MAGT1: variants seen among roughly 807,000 people sequenced by gnomAD.
MAGT1 encodes dolichyl-diphosphooligosaccharide--protein glycosyltransferase subunit MAGT1.
MAGT1 carries 4 observed loss-of-function variants against 28.4 expected under a neutral mutation model. The observed-to-expected ratio is 0.14, with a 90% CI of 0.07 to 0.32. MAGT1 has a LOEUF of 0.32. MAGT1 is among the 10% of genes least tolerant of loss of function. The probability of loss-of-function intolerance (pLI) is 1.00; values close to 1 mark genes in which losing one functional copy is unlikely to be tolerated. For missense variants in MAGT1, 193 were observed against 264.5 expected (o/e 0.73, Z 1.88); for synonymous variants, 89 against 89.7 (o/e 0.99, Z 0.04).
At chrX:77,846,420 T>C (rs943805644) in intron 7 of MAGT1, among the ~76,000 whole-genome samples, 2 of 112,389 alleles carry the variant, frequency 1.8e-5, no homozygotes, top group Non-Finnish European at 3.7e-5. Flanking sequence ...TCTGAAGCCT[T>C]CTTCTCTCAA....
chrX:77,830,968 T>TATTTTA, intron 8 of MAGT1, 73 bp from the exon 9 acceptor site: 1 of 296,697 alleles, frequency 3.4e-6, no homozygotes, highest in Non-Finnish European at 5.7e-6. Context: ...CTATACTTTC[T>TATTTTA]TTTTTTATTT....
At chrX:77,859,445 C>T (rs1159140139) in intron 3 of MAGT1, among the ~76,000 whole-genome samples, 1 of 111,811 alleles carries the variant, frequency 8.9e-6, no homozygotes, top group African/African-American at 3.2e-5. Context: ...TCCTGGTTGT[C>T]TTCCTTTTTA....
At chrX:77,881,675 T>C (rs1557218476) in intron 1 of MAGT1, among the ~76,000 whole-genome samples, 2 of 111,086 alleles carry the variant, frequency 1.8e-5, no homozygotes, top group Non-Finnish European at 1.9e-5. Context: ...TGTTAGACAT[T>C]TGGGTTGGTT....
At chrX:77,842,169 G>A (rs1302869808) in intron 7 of MAGT1, among the ~76,000 whole-genome samples, 3 of 110,309 alleles carry the variant, frequency 2.7e-5, no homozygotes, top group South Asian at 3.8e-4. Context: ...GAGGCGGGCC[G>A]ATTGCTTAAG....
At chrX:77,883,547 CATTTT>C (rs1182189314) in intron 1 of MAGT1, among the ~76,000 whole-genome samples, 1 of 97,097 alleles carries the variant, frequency 1.0e-5, no homozygotes, top group African/African-American at 3.7e-5. Context: ...TTCCTGAATT[CATTTT>C]CTTTTTTTTT....
chrX:77,895,215 AGC>A, intron 1 of MAGT1, 92 bp downstream of exon 1: 1 of 976,352 alleles, frequency 1.0e-6, no homozygotes, highest in Non-Finnish European at 1.4e-6. Context: ...AAGGCATAGA[AGC>A]GGCAGGGAAA....
At chrX:77,854,035 G>T (rs1259407062) in intron 6 of MAGT1, 71 bp from the exon 7 acceptor site, 1 of 812,401 alleles carries the variant, frequency 1.2e-6, no homozygotes, top group Non-Finnish European at 1.9e-6. Context: ...CCCTAAAACG[G>T]GGTATTTTAA....
intron 8 of MAGT1, among the ~76,000 whole-genome samples, chrX:77,832,568 T>C (rs1186684577): frequency 1.8e-5 from 2 of 110,811 alleles, no homozygotes; most frequent in Non-Finnish European, 3.8e-5. Flanking sequence ...CTGTGGCTCA[T>C]GCCTGTAACC....
chrX:77,888,869 C>T, intron 1 of MAGT1, among the ~76,000 whole-genome samples: 1 of 111,494 alleles, frequency 9.0e-6, no homozygotes, highest in Middle Eastern at 4.6e-3. Flanking sequence ...ATAATAATCA[C>T]ATCATGGTGA....
At position 77,857,334 on chromosome X, in the gene MAGT1, GTCT is replaced by G. The variant is rs2076983792; in HGVS notation, c.531+20_531+22del. 1 of 1,209,273 alleles carries G rather than the reference GTCT, an allele frequency of 8.3e-7. No homozygotes were observed. The highest frequency in any genetic ancestry group is 2.2e-5 in the Admixed American group (1 of 45,592). ...CAAAGGGGATAATGGCCAAGAAACAGTCTACATAGTTGGGAAACTTACATTGAC... is the reference window on the plus strand; with the variant it reads ...CAAAGGGGATAATGGCCAAGAAACAGACATAGTTGGGAAACTTACATTGAC... On this transcript the variant is annotated intron_variant, in intron 4 of 9. Transcript: ENST00000618282.
At position 77,830,811 on chromosome X, in the gene MAGT1, G is replaced by T; in HGVS notation, c.986C>A (p.Pro329Gln). The change falls in exon 9 of 10, where the codon CCA becomes CAA. Residue 329 changes from proline to glutamine, a missense_variant. Transcript: ENST00000618282. ...CAAAAAATAAGAATCATACCTGTAT[G>T]GGTAGCCATGATATTTAGATCTAAA... Reference protein sequence around the residue: ...SIFRSKYHGYPYSFLMS With the variant: ...SIFRSKYHGYQYSFLMS 8.9e-7 allele frequency: 1 copy of T among 1,117,426 alleles called. No individual in the cohort carries two copies. 92.1% of individuals were successfully genotyped at this position (1,117,426 alleles called of 1,213,427 possible).
chrX:77,839,039 C>A (rs2076927563), intron 8 of MAGT1, among the ~76,000 whole-genome samples: 2 of 109,901 alleles, frequency 1.8e-5, no homozygotes, highest in Admixed American at 2.0e-4. Flanking sequence ...CACAGTGGTT[C>A]ATGTCTGTAA....
intron 1 of MAGT1, among the ~76,000 whole-genome samples, chrX:77,888,849 C>T (rs1351120508): frequency 2.7e-5 from 3 of 111,457 alleles, no homozygotes; most frequent in Non-Finnish European, 5.6e-5. Context: ...TTGATATAGG[C>T]ATGCATTGCA....
At chrX:77,845,954 T>C (rs956725063) in intron 7 of MAGT1, among the ~76,000 whole-genome samples, 18 of 110,884 alleles carry the variant, frequency 1.6e-4, no homozygotes, top group African/African-American at 5.3e-4. Context: ...TGGCGTTCTC[T>C]GTATCTCCTG....
intron 1 of MAGT1, among the ~76,000 whole-genome samples, chrX:77,878,722 G>A (rs1343174137): frequency 4.8e-5 from 5 of 103,132 alleles, no homozygotes; most frequent in Admixed American, 1.1e-4. Flanking sequence ...CTGGGAAGGC[G>A]GTGGCTGCAG....
intron 3 of MAGT1, among the ~76,000 whole-genome samples, chrX:77,860,732 G>GGACTGCGC (rs1308177316): frequency 8.9e-6 from 1 of 111,829 alleles, no homozygotes; most frequent in African/African-American, 3.2e-5. Flanking sequence ...CAGTGATCCA[G>GGACTGCGC]GACTGCGCCA....
At chrX:77,868,736 C>A in intron 3 of MAGT1, 1 of 265,472 alleles carries the variant, frequency 3.8e-6, no homozygotes, top group African/African-American at 2.8e-5. Flanking sequence ...AGGAAAATTG[C>A]TTGAACCCAA....
chrX:77,889,272 C>T (rs1009528353), intron 1 of MAGT1, among the ~76,000 whole-genome samples: 4 of 104,116 alleles, frequency 3.8e-5, no homozygotes, highest in Non-Finnish European at 7.8e-5. Flanking sequence ...TGAGCCACCA[C>T]GCCTGGCCTC....
At chrX:77,884,493 C>T (rs1259619432) in intron 1 of MAGT1, among the ~76,000 whole-genome samples, 1 of 111,059 alleles carries the variant, frequency 9.0e-6, no homozygotes, top group Non-Finnish European at 1.9e-5. Context: ...AGAGGTTAAA[C>T]AACTTGCCCA....
Sources: allele counts gnomAD v4.1 joint callset (sites outside exome capture counted in the v4.1 genomes callset), GRCh38; gene constraint gnomAD v4.1.1; transcripts MANE v1.5; gene names NCBI Gene and HGNC (gene_info 2026-07-23, HGNC 2026-07-21).